Variants in MAGI2 observed in about 807,000 individuals in gnomAD.
MAGI2 encodes the protein membrane-associated guanylate kinase, WW and PDZ domain-containing protein 2.
MAGI2 carries 35 observed loss-of-function variants against 133.3 expected under a neutral mutation model. That is an observed-to-expected ratio of 0.26 (90% CI 0.20 to 0.35). The LOEUF (loss-of-function observed/expected upper bound fraction) is 0.35. Among genes scored for constraint, MAGI2 ranks in the 10% least tolerant of loss-of-function variants. MAGI2 has a pLI of 1.00. For synonymous variants in MAGI2, 729 were observed against 710.6 expected, an observed-to-expected ratio of 1.03 and a Z score of -0.41; for missense variants, 1,636 against 1,863.4, an observed-to-expected ratio of 0.88 and a Z score of 2.25.
chr7:79,317,030 T>TA, intron 1 of MAGI2, among the ~76,000 whole-genome samples: 1 of 147,598 alleles, frequency 6.8e-6, no homozygotes, highest in Non-Finnish European at 1.5e-5. Flanking sequence ...TTTTTTTTTT[T>TA]TTTTTTTTTG....
At chr7:78,817,248 A>T (rs994630429) in intron 2 of MAGI2, among the ~76,000 whole-genome samples, 4 of 152,220 alleles carry the variant, frequency 2.6e-5, no homozygotes, top group Non-Finnish European at 4.4e-5. Context: ...CAAAGAAAGT[A>T]GTTTCTTTCA....
chr7:79,071,366 CTGTATGAGG>C (rs1212001724), intron 1 of MAGI2, among the ~76,000 whole-genome samples: 1 of 152,016 alleles, frequency 6.6e-6, no homozygotes, highest in African/African-American at 2.4e-5. Context: ...CATAGCTCTC[CTGTATGAGG>C]TGTCTGTTGG....
intron 1 of MAGI2, among the ~76,000 whole-genome samples, chr7:79,183,279 A>G (rs916832485): frequency 4.6e-5 from 7 of 151,892 alleles, no homozygotes; most frequent in African/African-American, 1.7e-4. Flanking sequence ...ATAATTATAT[A>G]TATTATGTAT....
chr7:78,174,586 T>C (rs912018841), intron 14 of MAGI2, among the ~76,000 whole-genome samples: 2 of 152,222 alleles, frequency 1.3e-5, no homozygotes, highest in Admixed American at 1.3e-4. Flanking sequence ...GTCTGGCCAT[T>C]CTCCCTGGTT....
intron 8 of MAGI2, chr7:78,345,483 A>G (rs1484108531): frequency 6.3e-6 from 1 of 158,876 alleles, no homozygotes; most frequent in Non-Finnish European, 1.4e-5. Context: ...CGCTGATAGT[A>G]AGACAAGTCA....
intron 9 of MAGI2, among the ~76,000 whole-genome samples, chr7:78,266,996 C>T (rs577487604): frequency 6.6e-6 from 1 of 152,302 alleles, no homozygotes; most frequent in African/African-American, 2.4e-5. Flanking sequence ...AATACCCACA[C>T]TGGGTGTTGC....
At chr7:78,034,769 C>G (rs1352428000) in intron 21 of MAGI2, among the ~76,000 whole-genome samples, 1 of 152,186 alleles carries the variant, frequency 6.6e-6, no homozygotes, top group Non-Finnish European at 1.5e-5. Context: ...CTCAAGTGAT[C>G]CACCTGCCTT....
intron 1 of MAGI2, among the ~76,000 whole-genome samples, chr7:79,445,438 G>A (rs1254445256): frequency 6.6e-6 from 1 of 152,084 alleles, no homozygotes; most frequent in Admixed American, 6.6e-5. Flanking sequence ...CTAATATCCA[G>A]AATCTACAGT....
At chr7:78,936,747 T>C (rs2151669703) in intron 2 of MAGI2, among the ~76,000 whole-genome samples, 1 of 152,142 alleles carries the variant, frequency 6.6e-6, no homozygotes, top group South Asian at 2.1e-4. Context: ...AAAGATAGGT[T>C]CCTCTACTGT....
intron 6 of MAGI2, among the ~76,000 whole-genome samples, chr7:78,456,427 G>A (rs7801490): frequency 0.33 from 49,793 of 151,846 alleles, 11,311 homozygotes; most frequent in African/African-American, 0.65. Flanking sequence ...AGGGACTTTT[G>A]CAGTCATCAC....
At chr7:78,916,949 A>C (rs1438531341) in intron 2 of MAGI2, among the ~76,000 whole-genome samples, 1 of 152,170 alleles carries the variant, frequency 6.6e-6, no homozygotes, top group East Asian at 1.9e-4. Flanking sequence ...TTGGATCAAG[A>C]GACTTTAATT....
At chr7:79,301,126 G>A (rs1445360467) in intron 1 of MAGI2, among the ~76,000 whole-genome samples, 5 of 152,218 alleles carry the variant, frequency 3.3e-5, no homozygotes, top group African/African-American at 1.2e-4. Context: ...CTATGGCAAG[G>A]CAGAGGATAA....
intron 2 of MAGI2, among the ~76,000 whole-genome samples, chr7:78,636,647 A>C (rs2150978252): frequency 6.6e-6 from 1 of 152,118 alleles, no homozygotes; most frequent in East Asian, 1.9e-4. Flanking sequence ...AAATACAAAA[A>C]ATTAGCTGGG....
At chr7:79,249,415 A>C (rs1402814905) in intron 1 of MAGI2, among the ~76,000 whole-genome samples, 6 of 152,032 alleles carry the variant, frequency 3.9e-5, no homozygotes. Flanking sequence ...AAAAAAAGAG[A>C]AAAAGATTTA....
At chr7:78,853,876 G>A (rs1452369905) in intron 2 of MAGI2, among the ~76,000 whole-genome samples, 1 of 152,006 alleles carries the variant, frequency 6.6e-6, no homozygotes, top group East Asian at 2.0e-4. Flanking sequence ...CTAGGGTTGA[G>A]GATAGGCACC....
At chr7:79,343,082 C>T (rs1056117457) in intron 1 of MAGI2, among the ~76,000 whole-genome samples, 2 of 152,080 alleles carry the variant, frequency 1.3e-5, no homozygotes, top group Non-Finnish European at 2.9e-5. Context: ...CACATTTTTA[C>T]ATTTACAGCT....
chr7:78,687,909 G>A (rs561741994), intron 2 of MAGI2, among the ~76,000 whole-genome samples: 1 of 145,266 alleles, frequency 6.9e-6, no homozygotes, highest in South Asian at 2.3e-4. Flanking sequence ...AGCAGAGGTT[G>A]CGGTGAGCCG....
intron 2 of MAGI2, among the ~76,000 whole-genome samples, chr7:78,848,310 C>T (rs1258290752): frequency 6.6e-6 from 1 of 151,870 alleles, no homozygotes; most frequent in Non-Finnish European, 1.5e-5. Flanking sequence ...ATTCCTTCAC[C>T]CTCCACATCC....
chr7:78,730,700 CAT>C (rs1381255867), intron 2 of MAGI2, among the ~76,000 whole-genome samples: 3 of 152,066 alleles, frequency 2.0e-5, no homozygotes, highest in African/African-American at 7.2e-5. Flanking sequence ...TTAAAACAAA[CAT>C]AAAGTAGTAC....
Sources: allele counts gnomAD v4.1 joint callset (sites outside exome capture counted in the v4.1 genomes callset), GRCh38; gene constraint gnomAD v4.1.1; transcripts MANE v1.5; gene names NCBI Gene and HGNC (gene_info 2026-07-23, HGNC 2026-07-21).